Variants in ZNF804B observed in about 807,000 individuals in gnomAD.
The protein encoded by ZNF804B is zinc finger protein 804B, also known as zinc finger 804B.
Under a neutral mutation model 101.4 loss-of-function variants are expected in ZNF804B, and 80 were observed. That is an observed-to-expected ratio of 0.79 (90% CI 0.66 to 0.95). ZNF804B has a LOEUF of 0.95. Ranked by LOEUF, ZNF804B falls within the 40% of genes least tolerant of loss-of-function variation. The pLI, the probability that ZNF804B is intolerant of heterozygous loss-of-function variation, is 0.00. For synonymous variants in ZNF804B, 622 were observed against 558.8 expected, an observed-to-expected ratio of 1.11 and a Z score of -1.59; for missense variants, 1,673 against 1,561.9, an observed-to-expected ratio of 1.07 and a Z score of -1.20.
At chr7:88,890,908 T>A (rs1792205093) in intron 1 of ZNF804B, among the ~76,000 whole-genome samples, 1 of 152,138 alleles carries the variant, frequency 6.6e-6, no homozygotes, top group Non-Finnish European at 1.5e-5. Flanking sequence ...ATAACAGTGA[T>A]CTTCTGTGGT....
chr7:88,966,961 G>C (rs1793463601), intron 1 of ZNF804B, among the ~76,000 whole-genome samples: 1 of 148,778 alleles, frequency 6.7e-6, no homozygotes, highest in Non-Finnish European at 1.5e-5. Context: ...TAGAATTCTG[G>C]ACTTTTTTTT....
intron 1 of ZNF804B, among the ~76,000 whole-genome samples, chr7:89,006,453 C>G (rs535318846): frequency 6.6e-6 from 1 of 151,922 alleles, no homozygotes; most frequent in African/African-American, 2.4e-5. Context: ...AGTCTTGAAA[C>G]CTCATTTATA....
At chr7:89,101,843 T>A (rs1405881020) in intron 1 of ZNF804B, among the ~76,000 whole-genome samples, 1 of 151,922 alleles carries the variant, frequency 6.6e-6, no homozygotes, top group East Asian at 1.9e-4. Context: ...GGTAATTTTT[T>A]AATCCTCATC....
intron 2 of ZNF804B, among the ~76,000 whole-genome samples, chr7:89,319,802 TAAA>T (rs746552868): frequency 6.6e-6 from 1 of 152,246 alleles, no homozygotes; most frequent in Non-Finnish European, 1.5e-5. Flanking sequence ...ACACTGATCT[TAAA>T]TAAAGCAACA....
At chr7:89,320,098 G>A (rs1311622189) in intron 2 of ZNF804B, among the ~76,000 whole-genome samples, 1 of 152,034 alleles carries the variant, frequency 6.6e-6, no homozygotes, top group East Asian at 1.9e-4. Context: ...ACCTAATGTA[G>A]GTGATGGGTT....
intron 1 of ZNF804B, among the ~76,000 whole-genome samples, chr7:89,164,838 T>C (rs1008185004): frequency 2.6e-5 from 4 of 152,094 alleles, no homozygotes; most frequent in Non-Finnish European, 5.9e-5. Context: ...TACCATTGTC[T>C]CTAGGCTAAA....
At chr7:89,099,446 C>A (rs1257478593) in intron 1 of ZNF804B, among the ~76,000 whole-genome samples, 8 of 152,158 alleles carry the variant, frequency 5.3e-5, no homozygotes, top group Non-Finnish European at 7.3e-5. Flanking sequence ...TGGGAAGCAG[C>A]AGCCACTAAG....
intron 1 of ZNF804B, among the ~76,000 whole-genome samples, chr7:89,152,760 C>T (rs1030156183): frequency 6.6e-6 from 1 of 152,006 alleles, no homozygotes; most frequent in African/African-American, 2.4e-5. Flanking sequence ...TTTTCTTTTT[C>T]TACAATTAAG....
chr7:89,172,901 A>G (rs1791259182), intron 1 of ZNF804B, among the ~76,000 whole-genome samples: 1 of 152,184 alleles, frequency 6.6e-6, no homozygotes, highest in South Asian at 2.1e-4. Context: ...ATAAACTTTA[A>G]TAAGTAGAGC....
intron 1 of ZNF804B, among the ~76,000 whole-genome samples, chr7:89,079,194 G>A (rs1317691936): frequency 3.3e-5 from 5 of 152,046 alleles, no homozygotes; most frequent in East Asian, 1.9e-4. Context: ...GATAACATGA[G>A]GTTCTTGCAG....
At chr7:89,171,251 G>C (rs1046006163) in intron 1 of ZNF804B, among the ~76,000 whole-genome samples, 23 of 151,530 alleles carry the variant, frequency 1.5e-4, no homozygotes, top group Non-Finnish European at 3.4e-4. Context: ...GTTCCTTGTA[G>C]TAACTCAATG....
At chr7:88,861,670 A>G (rs1269802035) in intron 1 of ZNF804B, among the ~76,000 whole-genome samples, 1 of 152,140 alleles carries the variant, frequency 6.6e-6, no homozygotes, top group Non-Finnish European at 1.5e-5. Flanking sequence ...CATATCTTCT[A>G]TCGTAGGTCT....
At chr7:88,898,812 C>G (rs529561198) in intron 1 of ZNF804B, among the ~76,000 whole-genome samples, 11 of 152,290 alleles carry the variant, frequency 7.2e-5, no homozygotes, top group Admixed American at 2.0e-4. Flanking sequence ...CTGGTTTAGT[C>G]CCAACACAGG....
chr7:89,319,255 A>C (rs1790777551), intron 2 of ZNF804B, among the ~76,000 whole-genome samples: 1 of 152,216 alleles, frequency 6.6e-6, no homozygotes, highest in Non-Finnish European at 1.5e-5. Flanking sequence ...CCAACACTCC[A>C]TCTCAAAAAT....
At chr7:89,107,075 AAATG>A (rs1790146860) in intron 1 of ZNF804B, among the ~76,000 whole-genome samples, 1 of 152,154 alleles carries the variant, frequency 6.6e-6, no homozygotes, top group African/African-American at 2.4e-5. Flanking sequence ...GAAGTGAAGA[AAATG>A]AATGAATTCT....
intron 1 of ZNF804B, among the ~76,000 whole-genome samples, chr7:88,833,030 A>G (rs1406591772): frequency 6.6e-6 from 1 of 151,978 alleles, no homozygotes; most frequent in Admixed American, 6.6e-5. Flanking sequence ...TCTTCATGCT[A>G]AAATCTGATT....
At chr7:89,188,406 G>T (rs1788406313) in intron 1 of ZNF804B, among the ~76,000 whole-genome samples, 1 of 151,912 alleles carries the variant, frequency 6.6e-6, no homozygotes, top group Admixed American at 6.6e-5. Flanking sequence ...CCTATTCCCT[G>T]AGACACAATA....
At position 89,020,889 on chromosome 7, in the gene ZNF804B, A is replaced by G. The variant is rs907644221; in HGVS notation, c.109-197266A>G. Among the ~76,000 whole-genome samples, 4 of 152,098 alleles carry G rather than the reference A, an allele frequency of 2.6e-5. No homozygotes were observed. In the East Asian group the frequency reaches 7.7e-4, roughly 29 times the overall value. ...ATTGTTTCCCTGACTTCATTTAATT[A>G]TCTATATTATATCGCACTGAATTTC... is the stretch of plus-strand genomic sequence containing the variant. On this transcript the variant is annotated intron_variant, in intron 1 of 3. Coordinates refer to ENST00000333190, the MANE Select transcript of ZNF804B (RefSeq NM_181646.5).
intron 1 of ZNF804B, among the ~76,000 whole-genome samples, chr7:89,021,183 G>A (rs1421102327): frequency 1.3e-5 from 2 of 152,146 alleles, no homozygotes; most frequent in Non-Finnish European, 2.9e-5. Context: ...TTGATTCTAG[G>A]TGGATGCAGT....
Sources: allele counts gnomAD v4.1 joint callset (sites outside exome capture counted in the v4.1 genomes callset), GRCh38; gene constraint gnomAD v4.1.1; transcripts MANE v1.5; gene names NCBI Gene and HGNC (gene_info 2026-07-23, HGNC 2026-07-21).